APOOL: variants seen among roughly 807,000 people sequenced by gnomAD.
APOOL encodes the protein MICOS complex subunit MIC27.
Under a neutral mutation model 23.1 loss-of-function variants are expected in APOOL, and 12 were observed. The ratio of observed to expected loss-of-function variants is 0.52; its 90% CI spans 0.33 to 0.84. The LOEUF is 0.84. APOOL is among the 40% of genes least tolerant of loss of function. APOOL has a pLI of 0.02. For missense variants in APOOL, 212 were observed against 199.6 expected (o/e 1.06, Z -0.37); for synonymous variants, 77 against 69.9 (o/e 1.10, Z -0.51).
At chrX:85,067,043 G>A in intron 5 of APOOL, 84 bp from the exon 6 acceptor site, 1 of 578,955 alleles carries the variant, frequency 1.7e-6, no homozygotes, top group Non-Finnish European at 2.7e-6. Context: ...CTTACCAGGA[G>A]AGCAAAGAAA....
At position 85,093,257 on chromosome X, in the gene APOOL, C is replaced by A; in HGVS notation, c.*5579C>A. On this transcript the variant is annotated 3_prime_UTR_variant, in exon 9 of 9. Transcript: ENST00000373173. ...AATAGACAATGCAAAGTGAAAACTGCAAATTTCACTTAACTTGTTATTTGC... is the reference window on the plus strand; with the variant it reads ...AATAGACAATGCAAAGTGAAAACTGAAAATTTCACTTAACTTGTTATTTGC... The A allele has an allele frequency of 8.8e-7, 1 of 1,134,786 alleles. No homozygotes were observed. The highest frequency in any genetic ancestry group is 1.8e-5 in the African/African-American group (1 of 55,534). The allele number at this position is 1,134,786 out of a possible 1,213,427, so 93.5% of individuals were successfully genotyped here.
intron 5 of APOOL, among the ~76,000 whole-genome samples, chrX:85,061,844 AT>A (rs771377949): frequency 2.2e-4 from 25 of 111,402 alleles, no homozygotes; most frequent in African/African-American, 7.8e-4. Flanking sequence ...TCCCGGATTC[AT>A]TGATTTTTTG....
Position 85,090,212 on chromosome X carries a change from A to G in APOOL, c.*2534A>G, listed in dbSNP as rs1188903535. The G allele has an allele frequency of 9.0e-6, 1 of 111,448 alleles. No homozygotes were observed. Among genetic ancestry groups the G allele is most frequent in the African/African-American group, 3.3e-5 (1 of 30,675 alleles). 9.2% of individuals were successfully genotyped at this position (111,448 alleles called of 1,213,427 possible). A position where few individuals can be genotyped will look rare whatever the true frequency, so the allele number is the denominator to read the frequency against. ...AAGATGCGTCTGACTCCCTTTTACC[A>G]GAAAAGTAAATGCTTTCTTAGAATC... On this transcript the variant is annotated 3_prime_UTR_variant, in exon 9 of 9. Transcript: ENST00000373173.
Position 85,092,275 on chromosome X carries a change from A to G in APOOL, c.*4597A>G. 1 of 833,712 alleles carries G rather than the reference A, an allele frequency of 1.2e-6. No individual in the cohort carries two copies. The allele number at this position is 833,712 out of a possible 1,213,427, so 68.7% of individuals were successfully genotyped here. A position where few individuals can be genotyped will look rare whatever the true frequency, so the allele number is the denominator to read the frequency against. ...CTGTTTCAAAATAAAAGATCTGCTC[A>G]AACAAGAATGTGATGATCACTTGCT... On this transcript the variant is annotated 3_prime_UTR_variant, in exon 9 of 9. Coordinates refer to ENST00000373173, the MANE Select transcript of APOOL (RefSeq NM_198450.6).
chrX:85,032,589 T>C lies in APOOL; in HGVS notation c.16-13857T>C, dbSNP rs192598347. 8.9e-5 allele frequency among the ~76,000 whole-genome samples: 10 copies of C among 111,971 alleles called. No homozygotes were observed. The East Asian group carries it at 1.7e-3, about 19-fold the overall frequency. ...TCCCTGTGTATGTTTTTATTTTTAA[T>C]TTTCTAGTTAGATTTTTATTGATCT... On this transcript the variant is annotated intron_variant, in intron 1 of 8. Transcript: ENST00000373173.
rs1924367039 is a variant in APOOL, at chrX:85,087,733, A to G, written c.*55A>G. On this transcript the variant is annotated 3_prime_UTR_variant, in exon 9 of 9. Transcript: ENST00000373173. ...AACTACAAGATGTGTGGCGTTGCAAATAATGATGAAAATAAATCATGTAAT... is the reference window on the plus strand; with the variant it reads ...AACTACAAGATGTGTGGCGTTGCAAGTAATGATGAAAATAAATCATGTAAT... The G allele has an allele frequency of 9.9e-7, 1 of 1,005,170 alleles. No individual in the cohort carries two copies. The highest frequency in any genetic ancestry group is 1.9e-5 in the African/African-American group (1 of 51,404). 82.8% of individuals were successfully genotyped at this position (1,005,170 alleles called of 1,213,427 possible).
intron 1 of APOOL, among the ~76,000 whole-genome samples, chrX:85,017,444 G>A (rs1010800524): frequency 6.3e-5 from 7 of 111,891 alleles, no homozygotes; most frequent in African/African-American, 2.0e-4. Flanking sequence ...ACACAAGCGC[G>A]GCTTTCAGGC....
intron 6 of APOOL, among the ~76,000 whole-genome samples, chrX:85,072,086 G>T (rs893345315): frequency 9.0e-6 from 1 of 111,647 alleles, no homozygotes; most frequent in Admixed American, 9.5e-5. Context: ...TCCAGCCTGG[G>T]TGACAGAGAG....
intron 1 of APOOL, among the ~76,000 whole-genome samples, chrX:85,044,138 A>G (rs1260138710): frequency 9.0e-6 from 1 of 111,302 alleles, no homozygotes; most frequent in Non-Finnish European, 1.9e-5. Context: ...TTTAATTTCA[A>G]TTTAAATAAC....
At chrX:85,037,805 G>C (rs1331830410) in intron 1 of APOOL, among the ~76,000 whole-genome samples, 1 of 111,259 alleles carries the variant, frequency 9.0e-6, no homozygotes, top group Non-Finnish European at 1.9e-5. Flanking sequence ...ATCCCTATCT[G>C]TCACCATATA....
At chrX:85,078,102 C>A (rs1178350526) in intron 8 of APOOL, among the ~76,000 whole-genome samples, 1 of 111,777 alleles carries the variant, frequency 8.9e-6, no homozygotes, top group Non-Finnish European at 1.9e-5. Context: ...AATTAGATCC[C>A]ATTTGTCAAT....
intron 6 of APOOL, among the ~76,000 whole-genome samples, chrX:85,069,587 G>A (rs1002876465): frequency 3.1e-5 from 3 of 95,394 alleles, no homozygotes; most frequent in Non-Finnish European, 6.2e-5. Flanking sequence ...TCCAGCCTGG[G>A]TGACAGAGTG....
At chrX:85,078,113 T>C (rs1923932243) in intron 8 of APOOL, among the ~76,000 whole-genome samples, 2 of 112,116 alleles carry the variant, frequency 1.8e-5, no homozygotes, top group African/African-American at 6.5e-5. Flanking sequence ...ATTTGTCAAT[T>C]TTGGCTTTTG....
At position 85,011,853 on chromosome X, in the gene APOOL, G is replaced by C. The variant is rs1921298332; in HGVS notation, c.15+7926G>C. 3.6e-5 allele frequency among the ~76,000 whole-genome samples: 4 copies of C among 111,273 alleles called. No homozygotes were observed. The Admixed American group carries it at 3.8e-4, about 11-fold the overall frequency. On this transcript the variant is annotated intron_variant, in intron 1 of 8. Coordinates refer to ENST00000373173, the MANE Select transcript of APOOL (RefSeq NM_198450.6). The stretch of plus-strand genomic sequence containing the variant: ...CTTTTTTGGTTCCATATGAATTTAA[G>C]GATTGTTTTCTTCTAGTTCTGTGGA...
chrX:85,041,881 T>G (rs1192504899), intron 1 of APOOL, among the ~76,000 whole-genome samples: 1 of 110,861 alleles, frequency 9.0e-6, no homozygotes, highest in Non-Finnish European at 1.9e-5. Flanking sequence ...GTCTTGCACT[T>G]TTCTGCTCTC....
intron 1 of APOOL, among the ~76,000 whole-genome samples, chrX:85,013,078 C>T (rs1273048739): frequency 9.0e-6 from 1 of 111,646 alleles, no homozygotes; most frequent in East Asian, 2.8e-4. Context: ...TTGTGTATTT[C>T]TGGGAATGTA....
intron 8 of APOOL, among the ~76,000 whole-genome samples, chrX:85,081,149 T>C (rs1924083474): frequency 8.9e-6 from 1 of 111,758 alleles, no homozygotes; most frequent in South Asian, 3.8e-4. Context: ...TGTTAGCTGG[T>C]TATTTTGCCC....
intron 8 of APOOL, among the ~76,000 whole-genome samples, chrX:85,082,100 C>T (rs1242530616): frequency 2.7e-5 from 3 of 112,181 alleles, no homozygotes; most frequent in Non-Finnish European, 5.6e-5. Context: ...GTCAGTTCGT[C>T]AAAGTCATTC....
At chrX:85,062,090 C>T (rs1053544498) in intron 5 of APOOL, among the ~76,000 whole-genome samples, 5 of 110,858 alleles carry the variant, frequency 4.5e-5, no homozygotes, top group Non-Finnish European at 7.5e-5. Flanking sequence ...TCTTTGTTCT[C>T]GTTGGTTTCA....
Sources: gnomAD v4.1 joint callset for allele counts (sites outside exome capture counted in the v4.1 genomes callset) on GRCh38, gnomAD v4.1.1 for gene constraint, MANE v1.5 for transcripts, NCBI Gene and HGNC (gene_info 2026-07-23, HGNC 2026-07-21) for gene names.